The following DRC1 variants were observed in gnomAD, a reference collection of about 807,000 sequenced individuals.
DRC1 encodes dynein regulatory complex subunit 1.
Under a neutral mutation model 98.7 loss-of-function variants are expected in DRC1, and 74 were observed. The ratio of observed to expected loss-of-function variants is 0.75; its 90% CI spans 0.62 to 0.91. The LOEUF (loss-of-function observed/expected upper bound fraction) is 0.91. DRC1 is among the 40% of genes least tolerant of loss of function. The pLI is 0.00. For missense variants in DRC1, 875 were observed against 886.0 expected (o/e 0.99, Z 0.16); for synonymous variants, 336 against 334.1 (o/e 1.01, Z -0.06).
At chr2:26,445,259 A>G (rs1171988571) in intron 10 of DRC1, among the ~76,000 whole-genome samples, 7 of 152,226 alleles carry the variant, frequency 4.6e-5, no homozygotes, top group Non-Finnish European at 7.3e-5. Flanking sequence ...ATTGCTAATC[A>G]TTGTCTAAGA....
chr2:26,418,492 A>C (rs1485314136), intron 2 of DRC1, among the ~76,000 whole-genome samples: 2 of 134,476 alleles, frequency 1.5e-5, no homozygotes, highest in Admixed American at 8.8e-5. Context: ...GAGGATATAT[A>C]TAAAATATAG....
At chr2:26,407,725 C>T (rs10168483) in intron 1 of DRC1, among the ~76,000 whole-genome samples, 1,814 of 152,142 alleles carry the variant, frequency 0.012, 37 homozygotes, top group African/African-American at 0.041. Flanking sequence ...TCTTCCTGGA[C>T]GACTGCCAAC....
intron 10 of DRC1, among the ~76,000 whole-genome samples, chr2:26,447,237 AC>A (rs1663877597): frequency 6.6e-6 from 1 of 151,832 alleles, no homozygotes; most frequent in Non-Finnish European, 1.5e-5. Flanking sequence ...ACATGGTGAA[AC>A]CCTGTCTCTA....
chr2:26,405,935 C>G (rs768569519), intron 1 of DRC1, among the ~76,000 whole-genome samples: 1 of 152,156 alleles, frequency 6.6e-6, no homozygotes, highest in South Asian at 2.1e-4. Context: ...GCTGGGATTA[C>G]AGGCGTGAGC....
rs1274208538 is a variant in DRC1, at chr2:26,431,924, A to G, written c.806A>G (p.Tyr269Cys). 1.2e-6 allele frequency: 2 copies of G among 1,614,174 alleles called. No individual in the cohort carries two copies. The highest frequency in any genetic ancestry group is 8.5e-7 in the Non-Finnish European group (1 of 1,180,004). Residue 269 changes from tyrosine (Y) to cysteine (C), a missense_variant, in exon 7 of 17, where the codon TAT becomes TGT. Coordinates refer to ENST00000288710, the MANE Select transcript of DRC1 (RefSeq NM_145038.5). ...LNNRMKKVEDYEKQLNRQRIW... is the reference protein window; with the variant it reads ...LNNRMKKVEDCEKQLNRQRIW... ...AACCGCATGAAGAAAGTAGAGGACT[A>G]TGAGAAGCAGCTGAACAGGCAGAGG...
At chr2:26,451,939 A>G (rs1174422690) in intron 13 of DRC1, among the ~76,000 whole-genome samples, 1 of 152,216 alleles carries the variant, frequency 6.6e-6, no homozygotes. Context: ...AAAGACCAAC[A>G]AAAGGAACAG....
intron 1 of DRC1, among the ~76,000 whole-genome samples, chr2:26,409,662 C>T (rs560417382): frequency 1.2e-3 from 185 of 152,224 alleles, no homozygotes; most frequent in African/African-American, 4.4e-3. Flanking sequence ...TCAGCAACAA[C>T]TAGAATAATG....
At chr2:26,444,412 G>A (rs1663798323) in intron 9 of DRC1, 56 bp downstream of exon 9, 2 of 1,583,480 alleles carry the variant, frequency 1.3e-6, no homozygotes, top group Admixed American at 3.8e-5. Context: ...TGACGGGGAT[G>A]GAGTTTGTAC....
At chr2:26,405,996 C>T (rs1163659843) in intron 1 of DRC1, among the ~76,000 whole-genome samples, 4 of 152,064 alleles carry the variant, frequency 2.6e-5, no homozygotes, top group Admixed American at 6.6e-5. Flanking sequence ...GCGCATTGTG[C>T]GTAAGTGAGC....
At chr2:26,446,900 T>G (rs959346882) in intron 10 of DRC1, among the ~76,000 whole-genome samples, 1 of 151,670 alleles carries the variant, frequency 6.6e-6, no homozygotes, top group South Asian at 2.1e-4. Context: ...GAGACCAGCC[T>G]GGCCAACATG....
intron 10 of DRC1, among the ~76,000 whole-genome samples, chr2:26,446,142 G>T (rs2148001853): frequency 6.8e-6 from 1 of 146,592 alleles, no homozygotes; most frequent in Admixed American, 7.0e-5. Flanking sequence ...TGTCGCCCAG[G>T]CTGGAGGGCA....
chr2:26,419,404 G>A (rs1325754550), intron 2 of DRC1, among the ~76,000 whole-genome samples: 2 of 152,070 alleles, frequency 1.3e-5, no homozygotes, highest in Non-Finnish European at 2.9e-5. Context: ...TTAGCACATG[G>A]TACTTATACA....
In DRC1 at chr2:26,456,551, G is replaced by T. The variant is rs932144403; in HGVS notation, c.*34G>T. 1 of 1,613,332 alleles carries T rather than the reference G, an allele frequency of 6.2e-7. No individual in the cohort carries two copies. Among genetic ancestry groups the T allele is most frequent in the South Asian group, 1.1e-5 (1 of 90,978 alleles). The stretch of plus-strand genomic sequence containing the variant: ...GCCAAAGGCTGATGTGTTAGGGCTG[G>T]CCTGATGCTGGTGTCTGTGCCGGAG... On this transcript the variant is annotated 3_prime_UTR_variant, in exon 17 of 17. Coordinates refer to ENST00000288710, the MANE Select transcript of DRC1 (RefSeq NM_145038.5).
At chr2:26,432,192 T>C (rs1305704935) in intron 7 of DRC1, among the ~76,000 whole-genome samples, 186 bp downstream of exon 7, 1 of 152,190 alleles carries the variant, frequency 6.6e-6, no homozygotes, top group Non-Finnish European at 1.5e-5. Flanking sequence ...AGGGATGCTT[T>C]CTTTAAGAAA....
intron 7 of DRC1, among the ~76,000 whole-genome samples, chr2:26,440,095 A>G (rs910307722): frequency 6.6e-6 from 1 of 150,960 alleles, no homozygotes; most frequent in Non-Finnish European, 1.5e-5. Flanking sequence ...CTTCCAGTAT[A>G]AATTTCTACC....
chr2:26,441,558 G>T (rs550397583), intron 8 of DRC1, among the ~76,000 whole-genome samples: 5 of 152,098 alleles, frequency 3.3e-5, no homozygotes, highest in Non-Finnish European at 5.9e-5. Context: ...ACCTGGGAAA[G>T]CTTCCCAAAG....
chr2:26,436,437 G>A (rs983844741), intron 7 of DRC1, among the ~76,000 whole-genome samples: 5 of 152,002 alleles, frequency 3.3e-5, no homozygotes, highest in East Asian at 1.9e-4. Context: ...TCAGTCTCCC[G>A]AATAGCTGGG....
chr2:26,402,117 T>C lies in DRC1; in HGVS notation c.128T>C (p.Ile43Thr), dbSNP rs1184511254. Residue 43 changes from isoleucine (I) to threonine (T), a missense_variant, in exon 1 of 17, where the codon ATC becomes ACC. By Grantham distance (89) the Ile-to-Thr change is moderately conservative. Coordinates refer to ENST00000288710, the MANE Select transcript of DRC1 (RefSeq NM_145038.5). ...QERIQARRLR[I>T]AARLEARRRE... ...CGCATCCAGGCCCGGCGCCTCCGCA[T>C]CGCTGCGCGCTTAGAAGCCCGGAGG... 1.2e-5 allele frequency: 20 copies of C among 1,611,008 alleles called. No individual in the cohort carries two copies. Among genetic ancestry groups the C allele is most frequent in the Non-Finnish European group, 1.7e-5 (20 of 1,179,108 alleles).
intron 1 of DRC1, 40 bp from the exon 2 acceptor site, chr2:26,414,304 T>A: frequency 1.9e-6 from 3 of 1,604,220 alleles, no homozygotes; most frequent in Non-Finnish European, 2.6e-6. Flanking sequence ...AATTTACGTA[T>A]TAGAAATAAC....
Sources: allele counts gnomAD v4.1 joint callset (sites outside exome capture counted in the v4.1 genomes callset), GRCh38; gene constraint gnomAD v4.1.1; transcripts MANE v1.5; gene names NCBI Gene and HGNC (gene_info 2026-07-23, HGNC 2026-07-21).